The following CWC27 variants were observed in gnomAD, a reference collection of about 807,000 sequenced individuals.
CWC27 encodes CWC27 spliceosome associated cyclophilin.
A neutral mutation model predicts 63.6 loss-of-function variants in CWC27; 47 were observed. The observed-to-expected ratio is 0.74, with a 90% CI of 0.58 to 0.94. The LOEUF is 0.94. Among genes scored for constraint, CWC27 ranks in the 40% least tolerant of loss-of-function variants. The pLI, the probability that CWC27 is intolerant of heterozygous loss-of-function variation, is 0.00. For missense variants in CWC27, 495 were observed against 554.3 expected (o/e 0.89, Z 1.07); for synonymous variants, 175 against 179.8 (o/e 0.97, Z 0.22).
chr5:64,778,781 T>G (rs1304844996), intron 2 of CWC27, among the ~76,000 whole-genome samples: 5 of 152,154 alleles, frequency 3.3e-5, no homozygotes, highest in Non-Finnish European at 5.9e-5. Context: ...ACCTTTTGGT[T>G]TTTATAGTAT....
chr5:64,897,482 A>G (rs1436710229), intron 11 of CWC27, among the ~76,000 whole-genome samples: 1 of 152,180 alleles, frequency 6.6e-6, no homozygotes, highest in Non-Finnish European at 1.5e-5. Flanking sequence ...AACTGTCACA[A>G]GGACAGAAAA....
chr5:64,898,751 C>T (rs1747438089), intron 11 of CWC27, among the ~76,000 whole-genome samples: 1 of 152,138 alleles, frequency 6.6e-6, no homozygotes, highest in African/African-American at 2.4e-5. Flanking sequence ...CAGAACAATT[C>T]AGGGTGAGCA....
intron 11 of CWC27, among the ~76,000 whole-genome samples, chr5:64,970,473 A>C (rs1749104453): frequency 6.6e-6 from 1 of 152,124 alleles, no homozygotes; most frequent in South Asian, 2.1e-4. Context: ...CGGCCTCCGA[A>C]AGTGCTGGGA....
intron 13 of CWC27, among the ~76,000 whole-genome samples, chr5:65,006,717 G>GT (rs749976507): frequency 5.7e-4 from 86 of 152,118 alleles, no homozygotes; most frequent in Non-Finnish European, 9.7e-4. Context: ...AATAAAAAGA[G>GT]TAGGGAAACA....
At chr5:64,999,166 G>GA (rs1749688847) in intron 13 of CWC27, among the ~76,000 whole-genome samples, 1 of 151,474 alleles carries the variant, frequency 6.6e-6, no homozygotes, top group South Asian at 2.1e-4. Flanking sequence ...ACTTCATGTT[G>GA]AAAAAAGATT....
intron 6 of CWC27, among the ~76,000 whole-genome samples, chr5:64,788,479 C>T (rs567932594): frequency 1.3e-5 from 2 of 151,896 alleles, no homozygotes; most frequent in East Asian, 1.9e-4. Flanking sequence ...GTTCATTGCT[C>T]ATATTTTTTT....
Position 64,794,246 on chromosome 5 carries a change from C to G in CWC27, c.669+5226C>G, listed in dbSNP as rs531491006. Among the ~76,000 whole-genome samples the G allele has an allele frequency of 6.0e-4, 91 of 151,396 alleles. No individual in the cohort carries two copies. In the Middle Eastern group the frequency reaches 0.01, roughly 17 times the overall value. ...TCTCTCATGATATTCTTGTAGACAACAAGAAGAAATGTGATCTGGGAGATA... is the reference window on the plus strand; with the variant it reads ...TCTCTCATGATATTCTTGTAGACAAGAAGAAGAAATGTGATCTGGGAGATA... On this transcript the variant is annotated intron_variant, in intron 7 of 13. Coordinates refer to ENST00000381070, the MANE Select transcript of CWC27 (RefSeq NM_005869.4).
At chr5:64,826,413 A>T (rs1015158449) in intron 10 of CWC27, among the ~76,000 whole-genome samples, 2 of 152,166 alleles carry the variant, frequency 1.3e-5, no homozygotes, top group Non-Finnish European at 2.9e-5. Context: ...TTGTCCCATC[A>T]TATAGTGAAT....
At chr5:64,927,168 G>C (rs750389618) in intron 11 of CWC27, among the ~76,000 whole-genome samples, 1 of 152,034 alleles carries the variant, frequency 6.6e-6, no homozygotes. Context: ...AACAGTTTCA[G>C]AACAGTTACA....
chr5:64,884,879 G>T (rs1002919210), intron 10 of CWC27, among the ~76,000 whole-genome samples: 13 of 143,824 alleles, frequency 9.0e-5, no homozygotes, highest in Admixed American at 5.4e-4. Flanking sequence ...CACCCTGGTA[G>T]ATTTAACTAC....
chr5:64,946,330 C>T (rs1053917113), intron 11 of CWC27, among the ~76,000 whole-genome samples: 1 of 152,146 alleles, frequency 6.6e-6, no homozygotes, highest in African/African-American at 2.4e-5. Flanking sequence ...AATGTGTACA[C>T]ATTATGTAAT....
intron 9 of CWC27, among the ~76,000 whole-genome samples, chr5:64,803,377 CA>C (rs1455069969): frequency 6.6e-6 from 1 of 152,078 alleles, no homozygotes; most frequent in Non-Finnish European, 1.5e-5. Flanking sequence ...CAGCAGTAAG[CA>C]AAACAGGCCA....
chr5:64,853,312 T>C (rs565889298), intron 10 of CWC27, among the ~76,000 whole-genome samples: 4 of 152,300 alleles, frequency 2.6e-5, no homozygotes, highest in African/African-American at 7.2e-5. Flanking sequence ...TGAGGGAGCA[T>C]TGCAAAACTT....
intron 13 of CWC27, among the ~76,000 whole-genome samples, chr5:65,011,724 T>G (rs958517267): frequency 1.3e-5 from 2 of 152,200 alleles, no homozygotes; most frequent in African/African-American, 4.8e-5. Context: ...ACCTGAGTAT[T>G]ATGGACCACA....
At chr5:64,948,456 A>G (rs1561167350) in intron 11 of CWC27, among the ~76,000 whole-genome samples, 1 of 151,858 alleles carries the variant, frequency 6.6e-6, no homozygotes, top group South Asian at 2.1e-4. Flanking sequence ...ATATATATGT[A>G]GAGCTTAGAT....
chr5:64,925,905 A>C (rs1307180272), intron 11 of CWC27, among the ~76,000 whole-genome samples: 3 of 151,956 alleles, frequency 2.0e-5, no homozygotes, highest in East Asian at 1.9e-4. Flanking sequence ...ACCTTCTACT[A>C]TTTTTGCTTA....
chr5:64,931,209 C>T (rs1270093141), intron 11 of CWC27, among the ~76,000 whole-genome samples: 1 of 151,844 alleles, frequency 6.6e-6, no homozygotes, highest in Non-Finnish European at 1.5e-5. Context: ...TCTTATGAAA[C>T]ACAAACTAAA....
chr5:64,879,660 T>C (rs1746888627), intron 10 of CWC27, among the ~76,000 whole-genome samples: 2 of 151,834 alleles, frequency 1.3e-5, no homozygotes, highest in Non-Finnish European at 3.0e-5. Context: ...GCCATTGAAA[T>C]TTGTGATTAG....
Position 64,896,842 on chromosome 5 carries a change from G to A in CWC27, c.1042+11296G>A, listed in dbSNP as rs185387121. Among the ~76,000 whole-genome samples the A allele has an allele frequency of 1.5e-4, 23 of 152,122 alleles. No homozygotes were observed. In the East Asian group the frequency reaches 1.5e-3, roughly 10 times the overall value. On this transcript the variant is annotated intron_variant, in intron 11 of 13. Transcript: ENST00000381070. ...AATAACACAAAAAGTCTAATACTTC[G>A]CCTAAAAAACTACGTTTGTCAAACT...
Sources: allele counts gnomAD v4.1 joint callset (sites outside exome capture counted in the v4.1 genomes callset), GRCh38; gene constraint gnomAD v4.1.1; transcripts MANE v1.5; gene names NCBI Gene and HGNC (gene_info 2026-07-23, HGNC 2026-07-21).